Variants in FAM53A observed in about 807,000 individuals in gnomAD.
The protein encoded by FAM53A is protein FAM53A.
Under a neutral mutation model 26.6 loss-of-function variants are expected in FAM53A, and 28 were observed. That is an observed-to-expected ratio of 1.05 (90% CI 0.78 to 1.45). The LOEUF is 1.45. Ranked by LOEUF, FAM53A falls within the 40% of genes most tolerant of loss-of-function variation. The pLI is 0.00. For synonymous variants in FAM53A, 290 were observed against 253.1 expected (o/e 1.15, Z -1.38); for missense variants, 650 against 575.8 (o/e 1.13, Z -1.32).
At chr4:1,582,439 CACCT>C in the FAM53A span, among the ~76,000 whole-genome samples, 452 of 152,320 alleles carry the variant, frequency 3.0e-3, no homozygotes, top group African/African-American at 0.011. Context: ...CCATGTATGC[CACCT>C]ACACAGACCC....
intron 4 of FAM53A, chr4:1,644,642 T>A: frequency 2.8e-6 from 1 of 360,726 alleles, no homozygotes. Flanking sequence ...GTCACTTCCA[T>A]CTGAGGTTAA....
Position 1,642,142 on chromosome 4 carries a change from G to A in FAM53A, c.883-535C>T, listed in dbSNP as rs535326289. Among the ~76,000 whole-genome samples the A allele has an allele frequency of 7.4e-4, 112 of 152,210 alleles. 1 individual carries two copies. Among genetic ancestry groups the A allele is most frequent in the Admixed American group, 2.4e-3 (36 of 15,284 alleles). ...AAGGCCCCTGGAACCCCACCTCGTCGGTGTCCTCAGGGGCCCACCAGACGC... is the reference window on the plus strand; with the variant it reads ...AAGGCCCCTGGAACCCCACCTCGTCAGTGTCCTCAGGGGCCCACCAGACGC... On this transcript the variant is annotated intron_variant, in intron 4 of 4. Coordinates refer to ENST00000308132, the MANE Select transcript of FAM53A (RefSeq NM_001174070.3).
the FAM53A span, among the ~76,000 whole-genome samples, chr4:1,594,379 C>G: frequency 2.0e-5 from 3 of 152,274 alleles, no homozygotes; most frequent in Admixed American, 2.0e-4. Context: ...CTAACAATCC[C>G]CAGCCTCAGT....
At position 1,659,086 on chromosome 4, in the gene FAM53A, T is replaced by C. The variant is rs1390959910; in HGVS notation, c.76-1618A>G. Among the ~76,000 whole-genome samples the C allele has an allele frequency of 2.6e-5, 4 of 152,274 alleles. No individual in the cohort carries two copies. In the East Asian group the frequency reaches 7.7e-4, roughly 29 times the overall value. On this transcript the variant is annotated intron_variant, in intron 2 of 4. Transcript: ENST00000308132. This position sits in a 1 kb window ranked among gnomAD's most constrained non-coding sequence, Gnocchi z 5.2. ...GGGAATAAGTTAAAAGTTGGGTTTGTGACCCCGAAAAAAGACAGGCCGCCT... is the reference window on the plus strand; with the variant it reads ...GGGAATAAGTTAAAAGTTGGGTTTGCGACCCCGAAAAAAGACAGGCCGCCT...
chr4:1,657,519 C>A, intron 2 of FAM53A, 51 bp from the exon 3 acceptor site: 2 of 1,498,392 alleles, frequency 1.3e-6, no homozygotes, highest in Non-Finnish European at 1.8e-6. Flanking sequence ...GAGAATTCGG[C>A]AATAATATCC....
chr4:1,587,635 G>A, the FAM53A span, among the ~76,000 whole-genome samples: 1 of 152,162 alleles, frequency 6.6e-6, no homozygotes, highest in African/African-American at 2.4e-5. Context: ...TTGCGCCACT[G>A]CACTCCAGCC....
chr4:1,647,334 C>CG lies in FAM53A; in HGVS notation c.883-5728dup, dbSNP rs763501181. Among the ~76,000 whole-genome samples, 8 of 146,056 alleles carry CG rather than the reference C, an allele frequency of 5.5e-5. No homozygotes were observed. The South Asian group carries it at 6.5e-4, about 12-fold the overall frequency. On this transcript the variant is annotated intron_variant, in intron 4 of 4. Transcript: ENST00000308132. ...CGGGTGACAGAGCGAGACTCCATCT[C>CG]GGGAAAAAAAAAAAAAAAGCAGAAA...
At chr4:1,619,851 T>C (rs1303904489) in intron 1 of FAM53A, among the ~76,000 whole-genome samples, 1 of 152,240 alleles carries the variant, frequency 6.6e-6, no homozygotes, top group East Asian at 1.9e-4. Flanking sequence ...TCACTTCATC[T>C]GCCCTGCGAT....
chr4:1,668,618 A>C (rs1382562196), intron 2 of FAM53A, 49 bp downstream of exon 2: 2 of 1,599,998 alleles, frequency 1.3e-6, no homozygotes, highest in African/African-American at 2.7e-5. Flanking sequence ...TTCCCCTGTG[A>C]CAGCACGGGG....
chr4:1,602,479 C>T, the FAM53A span, among the ~76,000 whole-genome samples: 46 of 152,304 alleles, frequency 3.0e-4, no homozygotes, highest in African/African-American at 1.0e-3. Context: ...TTAAATGAAT[C>T]GCTGACCTTT....
chr4:1,589,256 C>G, the FAM53A span, among the ~76,000 whole-genome samples: 1 of 152,202 alleles, frequency 6.6e-6, no homozygotes, highest in Non-Finnish European at 1.5e-5. Flanking sequence ...TTCTTCCCCT[C>G]TAGTCCATTC....
intron 3 of FAM53A, among the ~76,000 whole-genome samples, chr4:1,656,462 G>A (rs533470134): frequency 3.4e-4 from 52 of 152,310 alleles, no homozygotes; most frequent in African/African-American, 1.2e-3. Flanking sequence ...TCTGGGGAAA[G>A]GCCCTGGGAT....
Position 1,668,738 on chromosome 4 carries a change from C to A in FAM53A, c.4G>T (p.Val2Phe). 2 of 1,614,192 alleles carry A rather than the reference C, an allele frequency of 1.2e-6. No individual in the cohort carries two copies. Among genetic ancestry groups the A allele is most frequent in the Non-Finnish European group, 1.7e-6 (2 of 1,180,020 alleles). M[V>F]TLITEKLQSQ... ...TGCAGCTTCTCAGTGATGAGTGTGACCATGGTCGGGGCCCCGTGTCCTCCG... is the reference window on the plus strand; with the variant it reads ...TGCAGCTTCTCAGTGATGAGTGTGAACATGGTCGGGGCCCCGTGTCCTCCG... Residue 2 changes from valine to phenylalanine, a missense_variant, in exon 2 of 5, where the codon GTC becomes TTC. Transcript: ENST00000308132.
downstream of FAM53A, among the ~76,000 whole-genome samples, chr4:1,615,173 G>A (rs61270550): frequency 0.035 from 5,257 of 149,978 alleles, 312 homozygotes; most frequent in African/African-American, 0.12. Context: ...GACAGGATGC[G>A]GCTACGCCCA....
the FAM53A span, among the ~76,000 whole-genome samples, chr4:1,593,016 G>T: frequency 1.3e-5 from 2 of 152,190 alleles, no homozygotes; most frequent in African/African-American, 4.8e-5. Flanking sequence ...GCCCAGCTGG[G>T]TCACTTTCTC....
In FAM53A at chr4:1,643,335, G is replaced by A. The variant is rs574033290; in HGVS notation, c.883-1728C>T. On this transcript the variant is annotated intron_variant, in intron 4 of 4. Coordinates refer to ENST00000308132, the MANE Select transcript of FAM53A (RefSeq NM_001174070.3). ...CAAAAAATTAACCAGGCGTGGTGGCGGGCGCCTGTAGTCCCAGCTACTCGG... is the reference window on the plus strand; with the variant it reads ...CAAAAAATTAACCAGGCGTGGTGGCAGGCGCCTGTAGTCCCAGCTACTCGG... Among the ~76,000 whole-genome samples, 120 of 151,896 alleles carry A rather than the reference G, an allele frequency of 7.9e-4. No individual in the cohort carries two copies. In the South Asian group the frequency reaches 0.015, roughly 19 times the overall value.
intron 1 of FAM53A, among the ~76,000 whole-genome samples, chr4:1,620,005 C>T (rs1043343238): frequency 6.6e-6 from 1 of 151,956 alleles, no homozygotes; most frequent in South Asian, 2.1e-4. Context: ...GTCAGGAGTT[C>T]GAGACCAGCC....
At chr4:1,619,292 G>T (rs1286971898) in intron 1 of FAM53A, among the ~76,000 whole-genome samples, 1 of 152,226 alleles carries the variant, frequency 6.6e-6, no homozygotes, top group Non-Finnish European at 1.5e-5. Context: ...CAAACACGGA[G>T]CTGGAGAGGG....
chr4:1,620,432 T>C (rs555293037), intron 1 of FAM53A, among the ~76,000 whole-genome samples: 1 of 151,920 alleles, frequency 6.6e-6, no homozygotes, highest in South Asian at 2.1e-4. Flanking sequence ...GGGATTCTCT[T>C]TGGTTCCTGC....
Sources: gnomAD v4.1 joint callset for allele counts (sites outside exome capture counted in the v4.1 genomes callset) on GRCh38, gnomAD v4.1.1 for gene constraint, Gnocchi (gnomAD v3.1) non-coding constraint, MANE v1.5 for transcripts, NCBI Gene and HGNC (gene_info 2026-07-23, HGNC 2026-07-21) for gene names.